The following PPP1R14C variants were observed in gnomAD, a reference collection of about 807,000 sequenced individuals.
PPP1R14C encodes protein phosphatase 1 regulatory subunit 14C.
A neutral mutation model predicts 20.4 loss-of-function variants in PPP1R14C; 16 were observed. The observed-to-expected ratio is 0.78, with a 90% CI of 0.53 to 1.19. The LOEUF (loss-of-function observed/expected upper bound fraction) is 1.19, where lower values mean the gene tolerates loss of function less well. Ranked by LOEUF, PPP1R14C falls within the 50% of genes most tolerant of loss-of-function variation. The pLI is 0.00. For synonymous variants in PPP1R14C, 91 were observed against 91.0 expected (o/e 1.00, Z 0.00); for missense variants, 211 against 220.1 (o/e 0.96, Z 0.26).
chr6:150,229,005 G>A (rs915842136), intron 3 of PPP1R14C, among the ~76,000 whole-genome samples: 2 of 152,128 alleles, frequency 1.3e-5, no homozygotes, highest in African/African-American at 2.4e-5. Context: ...ATGATTGACT[G>A]TGATTTTATG....
intron 1 of PPP1R14C, among the ~76,000 whole-genome samples, chr6:150,180,322 T>A (rs1777607242): frequency 6.6e-6 from 1 of 152,206 alleles, no homozygotes; most frequent in Admixed American, 6.5e-5. Context: ...TGAGACAGTA[T>A]AGTATGGATT....
intron 1 of PPP1R14C, among the ~76,000 whole-genome samples, chr6:150,168,447 G>T (rs1398994722): frequency 6.6e-6 from 1 of 152,062 alleles, no homozygotes; most frequent in Non-Finnish European, 1.5e-5. Context: ...GCAGGAGAAT[G>T]GCGTGAACCC....
At chr6:150,171,000 T>C (rs1777492579) in intron 1 of PPP1R14C, among the ~76,000 whole-genome samples, 1 of 152,136 alleles carries the variant, frequency 6.6e-6, no homozygotes. Context: ...CTATGTACTC[T>C]CTGCCCAGTC....
chr6:150,161,257 G>T (rs1777364411), intron 1 of PPP1R14C, among the ~76,000 whole-genome samples: 1 of 147,420 alleles, frequency 6.8e-6, no homozygotes, highest in East Asian at 2.0e-4. Context: ...TCCAGCCTGG[G>T]TGACAGAGCA....
rs552432968 is a variant in PPP1R14C, at chr6:150,191,252, C to T, written c.307-23492C>T. ...GCCTCCATACTTCCTGGCTCCTTTT[C>T]CTGCGTTGCTTTTCCCTGTAGCACT... On this transcript the variant is annotated intron_variant, in intron 1 of 3. Transcript: ENST00000361131. Among the ~76,000 whole-genome samples the T allele has an allele frequency of 7.2e-5, 11 of 152,334 alleles. No individual in the cohort carries two copies. The South Asian group carries it at 1.0e-3, about 14-fold the overall frequency.
chr6:150,168,824 G>A (rs1241519619), intron 1 of PPP1R14C, among the ~76,000 whole-genome samples: 2 of 151,998 alleles, frequency 1.3e-5, no homozygotes, highest in Non-Finnish European at 2.9e-5. Flanking sequence ...TAAAAATTTA[G>A]TAACATTTAA....
At chr6:150,149,455 C>CTTTTTTTTTTT (rs869244401) in intron 1 of PPP1R14C, among the ~76,000 whole-genome samples, 36 of 35,460 alleles carry the variant, frequency 1.0e-3, no homozygotes, top group Non-Finnish European at 1.0e-3. Context: ...TTTTTTTTTT[C>CTTTTTTTTTTT]TTTTTTTTTT....
intron 1 of PPP1R14C, among the ~76,000 whole-genome samples, chr6:150,212,841 C>T (rs1007176087): frequency 6.6e-6 from 1 of 152,178 alleles, no homozygotes; most frequent in African/African-American, 2.4e-5. Flanking sequence ...GGTTTACAGC[C>T]TAGGAGCAAT....
At chr6:150,176,963 C>G (rs1008457048) in intron 1 of PPP1R14C, among the ~76,000 whole-genome samples, 1 of 152,216 alleles carries the variant, frequency 6.6e-6, no homozygotes, top group Non-Finnish European at 1.5e-5. Flanking sequence ...GATCCGGCCT[C>G]CCCCTGTGTG....
chr6:150,152,119 CAAAAAAAAAAAAAA>C (rs577869928), intron 1 of PPP1R14C, among the ~76,000 whole-genome samples: 8 of 84,948 alleles, frequency 9.4e-5, no homozygotes, highest in Admixed American at 5.4e-4. Context: ...GACTCCGTCT[CAAAAAAAAAAAAAA>C]AAAAAAAAAA....
chr6:150,199,762 A>G lies in PPP1R14C; in HGVS notation c.307-14982A>G, dbSNP rs189471206. On this transcript the variant is annotated intron_variant, in intron 1 of 3. Transcript: ENST00000361131. ...CACGCATCTGCAGTTCTAGCTCCTC[A>G]GTAGGTTGAGGCAGGAGGATCGCTG... Among the ~76,000 whole-genome samples, 485 of 152,090 alleles carry G rather than the reference A, an allele frequency of 3.2e-3. 3 individuals are homozygous for G. The highest frequency in any genetic ancestry group is 3.0e-3 in the Non-Finnish European group (206 of 67,990).
chr6:150,216,528 G>A (rs1437922854), intron 2 of PPP1R14C, among the ~76,000 whole-genome samples: 3 of 151,364 alleles, frequency 2.0e-5, no homozygotes, highest in Non-Finnish European at 4.4e-5. Context: ...AACTGGTCAA[G>A]GGTTATATTT....
chr6:150,188,350 T>C (rs917535356), intron 1 of PPP1R14C, among the ~76,000 whole-genome samples: 1 of 152,220 alleles, frequency 6.6e-6, no homozygotes, highest in Non-Finnish European at 1.5e-5. Context: ...TCTAAAATCA[T>C]ACATTTTGTT....
At chr6:150,153,557 T>C (rs1777274291) in intron 1 of PPP1R14C, among the ~76,000 whole-genome samples, 1 of 152,256 alleles carries the variant, frequency 6.6e-6, no homozygotes, top group Non-Finnish European at 1.5e-5. Flanking sequence ...TGCTTTTCCA[T>C]CTGTGGATAA....
intron 3 of PPP1R14C, among the ~76,000 whole-genome samples, chr6:150,244,280 C>G (rs527750899): frequency 2.0e-5 from 3 of 152,196 alleles, no homozygotes; most frequent in Non-Finnish European, 2.9e-5. Flanking sequence ...TTATATTTGT[C>G]TCTGTCCTTG....
chr6:150,152,119 CAAAAAAAAAAAAAAAAAAAAA>C (rs577869928), intron 1 of PPP1R14C, among the ~76,000 whole-genome samples: 1 of 84,948 alleles, frequency 1.2e-5, no homozygotes, highest in Non-Finnish European at 2.9e-5. Context: ...GACTCCGTCT[CAAAAAAAAAAAAAAAAAAAAA>C]AAAAAAAGAA....
At chr6:150,247,494 C>T (rs768858192) in intron 3 of PPP1R14C, among the ~76,000 whole-genome samples, 2 of 152,076 alleles carry the variant, frequency 1.3e-5, no homozygotes, top group Non-Finnish European at 2.9e-5. Flanking sequence ...AGGTTCTGAT[C>T]GATTTACAGG....
rs1337487220 is a variant in PPP1R14C at position 150,185,132 on chromosome 6, C to T, written c.307-29612C>T. Among the ~76,000 whole-genome samples, 2 of 152,186 alleles carry T rather than the reference C, an allele frequency of 1.3e-5. No individual in the cohort carries two copies. Among genetic ancestry groups the T allele is most frequent in the African/African-American group, 4.8e-5 (2 of 41,454 alleles). On this transcript the variant is annotated intron_variant, in intron 1 of 3. Transcript: ENST00000361131. This position sits in a 1 kb window ranked among gnomAD's most constrained non-coding sequence, Gnocchi z 4.1. ...TTCTGATGTAGTAGCATTCTCACTT[C>T]CTGCTTTTCAGTTTGACTGGGTTGC...
Position 150,248,868 on chromosome 6 carries a change from G to A in PPP1R14C, c.*48G>A, listed in dbSNP as rs762970894. 2 of 1,250,868 alleles carry A rather than the reference G, an allele frequency of 1.6e-6. No individual in the cohort carries two copies. The highest frequency in any genetic ancestry group is 1.2e-6 in the Non-Finnish European group (1 of 867,158). 77.5% of individuals were successfully genotyped at this position (1,250,868 alleles called of 1,614,324 possible). A position where few individuals can be genotyped will look rare whatever the true frequency, so the allele number is the denominator to read the frequency against. On this transcript the variant is annotated 3_prime_UTR_variant, in exon 4 of 4. Coordinates refer to ENST00000361131, the MANE Select transcript of PPP1R14C (RefSeq NM_030949.3). ...CCCAGAGACGAAGAAAGAGTCCTGG[G>A]ATTTGTACTTCATGAAGACTTTTGT...
Sources: allele counts gnomAD v4.1 joint callset (sites outside exome capture counted in the v4.1 genomes callset), GRCh38; gene constraint gnomAD v4.1.1; non-coding constraint Gnocchi (gnomAD v3.1); transcripts MANE v1.5; gene names NCBI Gene and HGNC (gene_info 2026-07-23, HGNC 2026-07-21).